The following CD164 variants were observed in gnomAD, a reference collection of about 807,000 sequenced individuals.
The protein encoded by CD164 is sialomucin core protein 24.
Under a neutral mutation model 24.6 loss-of-function variants are expected in CD164, and 11 were observed. That is an observed-to-expected ratio of 0.45 (90% CI 0.28 to 0.74). The LOEUF (loss-of-function observed/expected upper bound fraction) is 0.74. Ranked by LOEUF, CD164 falls within the 30% of genes least tolerant of loss-of-function variation. The probability of loss-of-function intolerance (pLI) is 0.13; values close to 1 mark genes in which losing one functional copy is unlikely to be tolerated. For synonymous variants in CD164, 126 were observed against 100.3 expected (o/e 1.26, Z -1.53); for missense variants, 295 against 243.7 (o/e 1.21, Z -1.40).
chr6:109,369,466 A>G (rs1430300184), intron 5 of CD164, among the ~76,000 whole-genome samples: 1 of 152,214 alleles, frequency 6.6e-6, no homozygotes. Flanking sequence ...ATAATATGCA[A>G]TTTATAATTT....
At chr6:109,370,793 CTA>C (rs1334109677) in intron 4 of CD164, 2 of 218,626 alleles carry the variant, frequency 9.1e-6, no homozygotes, top group Middle Eastern at 1.8e-3. Context: ...GGTGAGGAAA[CTA>C]TAGGTTCTTC....
At chr6:109,379,729 T>C in intron 1 of CD164, 67 bp from the exon 2 acceptor site, 1 of 1,207,196 alleles carries the variant, frequency 8.3e-7, no homozygotes, top group African/African-American at 1.5e-5. Context: ...GAATCTGTAT[T>C]ACTTATCTTT....
rs963032480 is a variant in CD164, at chr6:109,368,763, T to G, written c.*88A>C. On this transcript the variant is annotated 3_prime_UTR_variant, in exon 6 of 6. Coordinates refer to ENST00000310786, the MANE Select transcript of CD164 (RefSeq NM_006016.6). ...ATTTAAAGATCCTGGAATAGCGTCT[T>G]CCATGTGGGACATCTTAAAAGATAG... 2.6e-5 allele frequency: 39 copies of G among 1,494,748 alleles called. No individual in the cohort carries two copies. The highest frequency in any genetic ancestry group is 3.3e-5 in the Non-Finnish European group (37 of 1,126,754). The allele number at this position is 1,494,748 out of a possible 1,614,324, so 92.6% of individuals were successfully genotyped here.
In CD164 at chr6:109,369,314, G is replaced by A. The variant is rs117030454; in HGVS notation, c.428-297C>T. Among the ~76,000 whole-genome samples the A allele has an allele frequency of 0.015, 2,239 of 152,244 alleles. 26 individuals are homozygous for A. Among genetic ancestry groups the A allele is most frequent in the Non-Finnish European group, 0.023 (1,543 of 68,008 alleles). ...AATGTATCAAACACTTCTAAAATAT[G>A]CAACAATTTCTTCAGACTATGTACT... is the stretch of plus-strand genomic sequence containing the variant. On this transcript the variant is annotated intron_variant, in intron 5 of 5. Transcript: ENST00000310786.
At chr6:109,379,087 C>T (rs1476739308) in intron 2 of CD164, among the ~76,000 whole-genome samples, 2 of 152,202 alleles carry the variant, frequency 1.3e-5, no homozygotes, top group Non-Finnish European at 2.9e-5. Context: ...TCTTTCTTCT[C>T]TACACCTAAG....
chr6:109,372,166 C>T (rs768871347), intron 4 of CD164: 5 of 152,076 alleles, frequency 3.3e-5, no homozygotes, highest in Non-Finnish European at 7.4e-5. Flanking sequence ...TTCAAACAAT[C>T]GAACAAAAAC....
chr6:109,367,336 CAAAG>C lies in CD164; in HGVS notation c.*1511_*1514del, dbSNP rs1770818241. 5 of 152,448 alleles carry C rather than the reference CAAAG, an allele frequency of 3.3e-5. No individual in the cohort carries two copies. The highest frequency in any genetic ancestry group is 3.3e-4 in the Admixed American group (5 of 15,262). 9.4% of individuals were successfully genotyped at this position (152,448 alleles called of 1,614,324 possible). ...TGCAGAGTTTGTTTATGAAATGAAA[CAAAG>C]CAGTTTGTCATTTCTTACTATAAAA... On this transcript the variant is annotated 3_prime_UTR_variant, in exon 6 of 6. Coordinates refer to ENST00000310786, the MANE Select transcript of CD164 (RefSeq NM_006016.6).
intron 1 of CD164, chr6:109,381,410 T>C (rs970299762): frequency 5.7e-5 from 39 of 678,638 alleles, no homozygotes; most frequent in Non-Finnish European, 8.5e-5. Context: ...GTTAAGAAAA[T>C]TTTAAAAACA....
chr6:109,378,033 C>G lies in CD164; in HGVS notation c.260-62G>C, dbSNP rs1342172634. 3.0e-6 allele frequency: 4 copies of G among 1,335,582 alleles called. No homozygotes were observed. In the East Asian group the frequency reaches 9.2e-5, roughly 31 times the overall value. 82.7% of individuals were successfully genotyped at this position (1,335,582 alleles called of 1,614,324 possible). On this transcript the variant is annotated intron_variant, in intron 2 of 5. Transcript: ENST00000310786. ...AACCACCCATTTGTATTATCTTTGA[C>G]TCTGCTACTAAGCTCTATGAAATCA...
chr6:109,378,801 A>G (rs1771568257), intron 2 of CD164, among the ~76,000 whole-genome samples: 1 of 152,146 alleles, frequency 6.6e-6, no homozygotes, highest in African/African-American at 2.4e-5. Context: ...AATACCTTAA[A>G]GAGCTTTTTG....
chr6:109,373,074 TAA>T (rs1278722380), intron 4 of CD164, among the ~76,000 whole-genome samples: 2 of 152,138 alleles, frequency 1.3e-5, no homozygotes, highest in African/African-American at 2.4e-5. Context: ...TCATAAGTTA[TAA>T]AAGTTGCTAT....
chr6:109,377,721 C>T lies in CD164; in HGVS notation c.331+179G>A, dbSNP rs984467012. Among the ~76,000 whole-genome samples, 3 of 151,680 alleles carry T rather than the reference C, an allele frequency of 2.0e-5. No individual in the cohort carries two copies. The Middle Eastern group carries it at 0.011, about 538-fold the overall frequency. ...TCCACACTATAGCTAAATCACTAAACCAAGCTTCAAATATCATCCTTTAAT... is the reference window on the plus strand; with the variant it reads ...TCCACACTATAGCTAAATCACTAAATCAAGCTTCAAATATCATCCTTTAAT... On this transcript the variant is annotated intron_variant, in intron 3 of 5. Coordinates refer to ENST00000310786, the MANE Select transcript of CD164 (RefSeq NM_006016.6).
chr6:109,370,788 G>C (rs1231839722), intron 4 of CD164: 1 of 229,494 alleles, frequency 4.4e-6, no homozygotes, highest in Non-Finnish European at 8.5e-6. Flanking sequence ...ATTTAGGTGA[G>C]GAAACTATAG....
chr6:109,368,462 GTTC>G lies in CD164; in HGVS notation c.*386_*388del, dbSNP rs577946619. 7.2e-7 allele frequency: 1 copy of G among 1,385,862 alleles called. No individual in the cohort carries two copies. Among genetic ancestry groups the G allele is most frequent in the Non-Finnish European group, 9.3e-7 (1 of 1,074,272 alleles). 85.8% of individuals were successfully genotyped at this position (1,385,862 alleles called of 1,614,324 possible). On this transcript the variant is annotated 3_prime_UTR_variant, in exon 6 of 6. Coordinates refer to ENST00000310786, the MANE Select transcript of CD164 (RefSeq NM_006016.6). ...CACCTAATTGATTCTCATTTGGCAC[GTTC>G]TTCTCAATTCTGTTCACTAAATTAA...
chr6:109,381,713 C>T lies in CD164; in HGVS notation c.175+491G>A, dbSNP rs538772938. ...CTGAGACACGAACGAGCATTACCGT[C>T]TTTAAGTTTCTCTTTCCCGGACTTC... On this transcript the variant is annotated intron_variant, in intron 1 of 5. Transcript: ENST00000310786. 5.1e-5 allele frequency: 31 copies of T among 611,996 alleles called. No homozygotes were observed. In the South Asian group the frequency reaches 5.5e-4, roughly 11 times the overall value. The allele number at this position is 611,996 out of a possible 1,614,324, so 37.9% of individuals were successfully genotyped here.
chr6:109,370,277 C>A, intron 5 of CD164, 134 bp downstream of exon 5: 1 of 674,718 alleles, frequency 1.5e-6, no homozygotes, highest in East Asian at 2.9e-5. Flanking sequence ...TACCTTGATC[C>A]CCCCTAAGAG....
rs561016060 is a variant in CD164, at chr6:109,373,427, C to T, written c.370+2647G>A. On this transcript the variant is annotated intron_variant, in intron 4 of 5. Transcript: ENST00000310786. ...TACACATGCCCGGAAAAGAAACCGC[C>T]TAAAGGTTTGTTCTTCAACTAGTGT... Among the ~76,000 whole-genome samples the T allele has an allele frequency of 5.3e-5, 8 of 152,304 alleles. No homozygotes were observed. The South Asian group carries it at 1.7e-3, about 32-fold the overall frequency.
At chr6:109,374,628 A>C (rs1290367203) in intron 4 of CD164, among the ~76,000 whole-genome samples, 1 of 152,220 alleles carries the variant, frequency 6.6e-6, no homozygotes, top group Admixed American at 6.5e-5. Flanking sequence ...AAAATCTTTC[A>C]GGATAACATC....
chr6:109,379,757 C>T (rs1582491350), intron 1 of CD164, 95 bp from the exon 2 acceptor site: 2 of 835,588 alleles, frequency 2.4e-6, no homozygotes, highest in East Asian at 2.6e-5. Context: ...ATAAGCATTA[C>T]ATACAGCATC....
Sources: allele counts gnomAD v4.1 joint callset (sites outside exome capture counted in the v4.1 genomes callset), GRCh38; gene constraint gnomAD v4.1.1; transcripts MANE v1.5; gene names NCBI Gene and HGNC (gene_info 2026-07-23, HGNC 2026-07-21).